Variants in CCDC146 observed in about 807,000 individuals in gnomAD.
The protein encoded by CCDC146 is coiled-coil domain-containing protein 146.
In CCDC146, 92 loss-of-function variants were observed where a neutral mutation model predicts 119.3. That is an observed-to-expected ratio of 0.77 (90% CI 0.65 to 0.92). The LOEUF is 0.92. Among genes scored for constraint, CCDC146 ranks in the 40% least tolerant of loss-of-function variants. The pLI is 0.00. For synonymous variants in CCDC146, 372 were observed against 371.8 expected, an observed-to-expected ratio of 1.00 and a Z score of -0.01; for missense variants, 1,000 against 1,103.0, an observed-to-expected ratio of 0.91 and a Z score of 1.32.
chr7:77,250,683 G>T (rs1039329420), intron 4 of CCDC146, among the ~76,000 whole-genome samples: 3 of 152,032 alleles, frequency 2.0e-5, no homozygotes, highest in African/African-American at 7.3e-5. Flanking sequence ...TTATTTTCCT[G>T]CATTAATTTG....
chr7:77,140,665 G>A (rs1394941477), intron 1 of CCDC146, among the ~76,000 whole-genome samples: 5 of 152,068 alleles, frequency 3.3e-5, no homozygotes, highest in South Asian at 2.1e-4. Flanking sequence ...TTTGAAGGAC[G>A]CATTCAGTCA....
chr7:77,223,028 G>C (rs929897995), intron 2 of CCDC146, among the ~76,000 whole-genome samples: 2 of 152,152 alleles, frequency 1.3e-5, no homozygotes, highest in Admixed American at 1.3e-4. Context: ...GCCCTGTTAG[G>C]TTCTTTGCTC....
chr7:77,247,493 A>G (rs923852670), intron 4 of CCDC146, among the ~76,000 whole-genome samples: 2 of 152,260 alleles, frequency 1.3e-5, no homozygotes, highest in Non-Finnish European at 2.9e-5. Flanking sequence ...AGGCATAACT[A>G]TTTAAAGATC....
At chr7:77,130,097 A>G (rs1790759023) in intron 1 of CCDC146, among the ~76,000 whole-genome samples, 1 of 152,258 alleles carries the variant, frequency 6.6e-6, no homozygotes, top group East Asian at 1.9e-4. Flanking sequence ...ATAAGGAAAT[A>G]AAAAAATCAT....
chr7:77,226,125 A>G (rs1792508149), intron 2 of CCDC146, among the ~76,000 whole-genome samples: 1 of 152,250 alleles, frequency 6.6e-6, no homozygotes, highest in Non-Finnish European at 1.5e-5. Context: ...GAGATAACCT[A>G]TGGGAAAAGT....
chr7:77,141,413 T>C (rs1790931746), intron 1 of CCDC146, among the ~76,000 whole-genome samples: 1 of 152,252 alleles, frequency 6.6e-6, no homozygotes, highest in African/African-American at 2.4e-5. Flanking sequence ...GAATGACTTA[T>C]AATCCTTTGG....
rs894771283 is a variant in CCDC146 at position 77,259,032 on chromosome 7, T to C, written c.722T>C (p.Ile241Thr). The C allele has an allele frequency of 3.7e-6, 6 of 1,612,366 alleles. No homozygotes were observed. The highest frequency in any genetic ancestry group is 3.3e-5 in the South Asian group (3 of 90,844). The change falls in exon 7 of 19, where the codon ATT becomes ACT. Residue 241 changes from isoleucine (I) to threonine (T), a missense_variant. Transcript: ENST00000285871. Reference protein sequence around the residue: ...VAHHQTIPVQIGKEIEKITRK... With the variant: ...VAHHQTIPVQTGKEIEKITRK... ...CACCATCAAACCATTCCAGTACAAATTGGAAAAGAGATAGAAAAAATAACA... is the reference window on the plus strand; with the variant it reads ...CACCATCAAACCATTCCAGTACAAACTGGAAAAGAGATAGAAAAAATAACA...
intron 2 of CCDC146, among the ~76,000 whole-genome samples, chr7:77,182,254 T>G (rs1791601227): frequency 6.6e-6 from 1 of 152,136 alleles, no homozygotes; most frequent in African/African-American, 2.4e-5. Flanking sequence ...CCCTGATCAT[T>G]GGGTGGGAGA....
chr7:77,166,865 C>G (rs1452272638), intron 1 of CCDC146, among the ~76,000 whole-genome samples: 2 of 152,100 alleles, frequency 1.3e-5, no homozygotes, highest in African/African-American at 4.8e-5. Context: ...ATTTTCGAAG[C>G]TGGTGTTAGC....
chr7:77,272,442 C>G (rs1221044319), intron 9 of CCDC146, among the ~76,000 whole-genome samples: 1 of 152,154 alleles, frequency 6.6e-6, no homozygotes, highest in Non-Finnish European at 1.5e-5. Context: ...CAGCATGATC[C>G]TCAAAAAGAT....
intron 1 of CCDC146, among the ~76,000 whole-genome samples, chr7:77,155,027 C>T (rs1264765461): frequency 1.3e-5 from 2 of 152,314 alleles, no homozygotes; most frequent in Non-Finnish European, 2.9e-5. Flanking sequence ...TTTAGACCTA[C>T]CCAGGCATTC....
At chr7:77,283,453 T>A (rs1793797788) in intron 15 of CCDC146, among the ~76,000 whole-genome samples, 1 of 152,242 alleles carries the variant, frequency 6.6e-6, no homozygotes, top group South Asian at 2.1e-4. Flanking sequence ...TAGCCTAAAC[T>A]TGTTCCCATT....
intron 2 of CCDC146, chr7:77,194,076 T>A (rs1045870214): frequency 1.3e-5 from 2 of 152,120 alleles, no homozygotes; most frequent in African/African-American, 2.4e-5. Context: ...TGAAATAATG[T>A]GGATAGAACA....
intron 9 of CCDC146, among the ~76,000 whole-genome samples, chr7:77,264,028 A>C (rs1377300886): frequency 2.0e-5 from 3 of 152,156 alleles, no homozygotes; most frequent in African/African-American, 7.2e-5. Context: ...GTGTTTTCAC[A>C]AATAACTTTT....
intron 2 of CCDC146, among the ~76,000 whole-genome samples, chr7:77,212,637 A>C (rs1033381077): frequency 1.3e-5 from 2 of 151,558 alleles, no homozygotes; most frequent in African/African-American, 4.8e-5. Context: ...AAAAAAAAAA[A>C]AAAATTGAAG....
chr7:77,163,616 G>A (rs1791295666), intron 1 of CCDC146, among the ~76,000 whole-genome samples: 1 of 152,016 alleles, frequency 6.6e-6, no homozygotes, highest in South Asian at 2.1e-4. Flanking sequence ...GTATGAAAAG[G>A]GATGAGATCT....
At chr7:77,183,605 T>A (rs983213712) in intron 2 of CCDC146, among the ~76,000 whole-genome samples, 4 of 152,204 alleles carry the variant, frequency 2.6e-5, no homozygotes, top group Admixed American at 6.5e-5. Flanking sequence ...CTTCCCTGTT[T>A]CTGTGCTTCA....
intron 2 of CCDC146, among the ~76,000 whole-genome samples, chr7:77,174,552 G>A (rs558191052): frequency 5.9e-5 from 9 of 152,156 alleles, no homozygotes; most frequent in South Asian, 2.1e-4. Context: ...GCAGGTTGTC[G>A]GGTTGATGCC....
intron 2 of CCDC146, among the ~76,000 whole-genome samples, chr7:77,190,030 G>C (rs1584054829): frequency 6.6e-6 from 1 of 151,940 alleles, no homozygotes; most frequent in African/African-American, 2.4e-5. Context: ...ATTTTTATCC[G>C]TGTTGGTCAC....
Sources: allele counts gnomAD v4.1 joint callset (sites outside exome capture counted in the v4.1 genomes callset), GRCh38; gene constraint gnomAD v4.1.1; transcripts MANE v1.5; gene names NCBI Gene and HGNC (gene_info 2026-07-23, HGNC 2026-07-21).